Variants in CCDC3 observed in about 807,000 individuals in gnomAD.
CCDC3 encodes coiled-coil domain-containing protein 3.
A neutral mutation model predicts 21.4 loss-of-function variants in CCDC3; 24 were observed. The observed-to-expected ratio is 1.12, with a 90% CI of 0.81 to 1.58. CCDC3 has a LOEUF of 1.58. Ranked by LOEUF, CCDC3 falls within the 40% of genes most tolerant of loss-of-function variation. The probability of loss-of-function intolerance (pLI) is 0.00; values close to 1 mark genes in which losing one functional copy is unlikely to be tolerated. For missense variants in CCDC3, 425 were observed against 360.9 expected (o/e 1.18, Z -1.44); for synonymous variants, 186 against 166.0 (o/e 1.12, Z -0.93).
rs188667716 is a variant in CCDC3 at position 13,054,784 on chromosome 10, G to A, written c.-269-4843C>T. Among the ~76,000 whole-genome samples the A allele has an allele frequency of 3.9e-5, 6 of 151,994 alleles. No homozygotes were observed. The South Asian group carries it at 6.3e-4, about 16-fold the overall frequency. On this transcript the variant is annotated intron_variant, in intron 4 of 6. Coordinates refer to the CCDC3 transcript ENST00000378839. ...CTGGTTCAAATGATTCTCTTGCTTC[G>A]GCCTCCCAAGTAGCTGGGATTACAG...
chr10:12,923,744 C>T (rs1471445611), intron 2 of CCDC3, among the ~76,000 whole-genome samples: 4 of 152,190 alleles, frequency 2.6e-5, no homozygotes, highest in African/African-American at 4.8e-5. Context: ...GTGTCCCTCC[C>T]GACCCGTCTC....
upstream of CCDC3, among the ~76,000 whole-genome samples, chr10:13,005,530 C>T (rs552022032): frequency 6.6e-6 from 1 of 152,312 alleles, no homozygotes; most frequent in South Asian, 2.1e-4. Context: ...CATGGTTAGG[C>T]ATTCAATCTC....
At chr10:13,066,662 C>A (rs775144498) in intron 4 of CCDC3, among the ~76,000 whole-genome samples, 20 of 152,166 alleles carry the variant, frequency 1.3e-4, no homozygotes, top group Non-Finnish European at 2.6e-4. Flanking sequence ...ACCCACCCCA[C>A]AAGTGTTGAC....
chr10:13,087,110 G>A (rs1438817855), intron 3 of CCDC3, among the ~76,000 whole-genome samples: 1 of 152,062 alleles, frequency 6.6e-6, no homozygotes, highest in Non-Finnish European at 1.5e-5. Context: ...AGCATAAAAG[G>A]TGCTAGGAAC....
chr10:12,979,627 C>T (rs982829071), intron 2 of CCDC3, among the ~76,000 whole-genome samples: 1 of 152,116 alleles, frequency 6.6e-6, no homozygotes, highest in African/African-American at 2.4e-5. Context: ...CTACCTTGGC[C>T]TCCCAAAGTG....
Position 13,001,510 on chromosome 10 carries a change from C to T in CCDC3, c.61G>A (p.Ala21Thr), listed in dbSNP as rs1469357405. 1 of 1,324,946 alleles carries T rather than the reference C, an allele frequency of 7.5e-7. No individual in the cohort carries two copies. The highest frequency in any genetic ancestry group is 9.6e-7 in the Non-Finnish European group (1 of 1,039,944). The allele number at this position is 1,324,946 out of a possible 1,614,324, so 82.1% of individuals were successfully genotyped here. The change falls in exon 1 of 3, where the codon GCC becomes ACC. Residue 21 changes from alanine to threonine, a missense_variant. Physicochemically the swap from Ala to Thr is moderately conservative, Grantham distance 58 (BLOSUM62 0). Transcript: ENST00000378825. ...CLAGPPAPAR[A>T]CQLPSEWRPL... ...CTCCACTCGGAGGGCAGCTGGCAGG[C>T]GCGCGCGGGCGCTGGGGGACCCGCC...
At chr10:13,095,374 C>G (rs1832618161) in intron 3 of CCDC3, among the ~76,000 whole-genome samples, 1 of 145,552 alleles carries the variant, frequency 6.9e-6, no homozygotes, top group Admixed American at 6.8e-5. Context: ...CAGCAGTCCC[C>G]AACATTTTTG....
intron 2 of CCDC3, among the ~76,000 whole-genome samples, chr10:12,933,006 T>C (rs1456428334): frequency 6.6e-6 from 1 of 152,256 alleles, no homozygotes; most frequent in East Asian, 1.9e-4. Flanking sequence ...CCAGTTTAAA[T>C]ATCCCTTGGC....
intron 5 of CCDC3, among the ~76,000 whole-genome samples, chr10:13,034,702 A>AAAACAAACAAACAAACAAAC (rs142897479): frequency 2.5e-4 from 38 of 151,198 alleles, no homozygotes; most frequent in African/African-American, 8.7e-4. Flanking sequence ...CTCACTGTAA[A>AAAACAAACAAACAAACAAAC]AAACAAACAA....
intron 2 of CCDC3, among the ~76,000 whole-genome samples, chr10:12,915,618 A>G (rs1159270603): frequency 6.6e-6 from 1 of 152,202 alleles, no homozygotes; most frequent in Admixed American, 6.5e-5. Context: ...TTTGTTTGAG[A>G]AAGCCTTTCA....
intron 3 of CCDC3, among the ~76,000 whole-genome samples, chr10:13,084,489 G>A (rs1320084969): frequency 6.6e-6 from 1 of 151,992 alleles, no homozygotes; most frequent in East Asian, 1.9e-4. Flanking sequence ...GGTTCTCCAT[G>A]TTGGTCAGTC....
chr10:13,025,050 C>A (rs913013381), intron 5 of CCDC3, among the ~76,000 whole-genome samples: 3 of 152,180 alleles, frequency 2.0e-5, no homozygotes, highest in Admixed American at 1.3e-4. Flanking sequence ...AAACCATCCC[C>A]AAATTTGATG....
At chr10:13,069,735 CA>C in intron 4 of CCDC3, among the ~76,000 whole-genome samples, 1 of 152,024 alleles carries the variant, frequency 6.6e-6, no homozygotes, top group Admixed American at 6.6e-5. Context: ...ATATATGTTC[CA>C]AAATTGTATG....
intron 2 of CCDC3, among the ~76,000 whole-genome samples, chr10:12,915,916 C>G (rs1834345859): frequency 6.6e-6 from 1 of 152,016 alleles, no homozygotes. Flanking sequence ...GACCTGGCAC[C>G]AGGGTCTGCA....
intron 5 of CCDC3, among the ~76,000 whole-genome samples, chr10:13,043,214 T>C (rs963229262): frequency 3.9e-5 from 6 of 152,074 alleles, no homozygotes; most frequent in African/African-American, 1.2e-4. Context: ...GCCTAATCCC[T>C]CTCCCTCTCC....
At chr10:12,984,410 T>C (rs1269960970) in intron 2 of CCDC3, among the ~76,000 whole-genome samples, 1 of 152,128 alleles carries the variant, frequency 6.6e-6, no homozygotes, top group Non-Finnish European at 1.5e-5. Context: ...CAATAACAAC[T>C]ACTAGTGAAG....
At chr10:13,051,164 GA>G (rs1489825620) in intron 4 of CCDC3, among the ~76,000 whole-genome samples, 1 of 152,068 alleles carries the variant, frequency 6.6e-6, no homozygotes, top group Non-Finnish European at 1.5e-5. Flanking sequence ...GCCCCCAAAG[GA>G]GCCTCAAGTA....
chr10:12,938,850 ATAGACATTTGTATCATGGGT>A (rs1341294407), intron 2 of CCDC3, among the ~76,000 whole-genome samples: 3 of 152,208 alleles, frequency 2.0e-5, no homozygotes, highest in African/African-American at 7.2e-5. Flanking sequence ...TGCCTGCTTA[ATAGACATTTGTATCATGGGT>A]GAATGAATCA....
intron 5 of CCDC3, among the ~76,000 whole-genome samples, chr10:13,012,760 G>A (rs1835998540): frequency 6.6e-6 from 1 of 151,982 alleles, no homozygotes; most frequent in African/African-American, 2.4e-5. Context: ...GACAGAGTGA[G>A]ACTCTGTCTA....
Sources: gnomAD v4.1 joint callset for allele counts (sites outside exome capture counted in the v4.1 genomes callset) on GRCh38, gnomAD v4.1.1 for gene constraint, MANE v1.5 for transcripts, NCBI Gene and HGNC (gene_info 2026-07-23, HGNC 2026-07-21) for gene names.